CDC42BPA: variants seen among roughly 807,000 people sequenced by gnomAD.
CDC42BPA encodes the protein CDC42 binding protein kinase alpha, also known as serine/threonine-protein kinase MRCK alpha.
Under a neutral mutation model 223.5 loss-of-function variants are expected in CDC42BPA, and 80 were observed. The observed-to-expected ratio is 0.36, with a 90% CI of 0.30 to 0.43. The LOEUF is 0.43. Ranked by LOEUF, CDC42BPA falls within the 20% of genes least tolerant of loss-of-function variation. The pLI, the probability that CDC42BPA is intolerant of heterozygous loss-of-function variation, is 1.00. For synonymous variants in CDC42BPA, 694 were observed against 718.6 expected, an observed-to-expected ratio of 0.97 and a Z score of 0.55; for missense variants, 1,743 against 2,099.9, an observed-to-expected ratio of 0.83 and a Z score of 3.32.
At chr1:227,254,226 T>C (rs1572659541) in intron 1 of CDC42BPA, 71 bp from the exon 2 acceptor site, 1 of 754,664 alleles carries the variant, frequency 1.3e-6, no homozygotes, top group Non-Finnish European at 2.1e-6. Context: ...AATAATGGTG[T>C]TTCTTAGTTA....
chr1:227,275,751 C>T (rs1383654540), intron 1 of CDC42BPA, among the ~76,000 whole-genome samples: 1 of 152,100 alleles, frequency 6.6e-6, no homozygotes, highest in Non-Finnish European at 1.5e-5. Flanking sequence ...TGCAGGCACG[C>T]GCCGCCACGC....
intron 1 of CDC42BPA, among the ~76,000 whole-genome samples, chr1:227,256,938 TATATATACAGACACACACACACACAC>T (rs1327621458): frequency 8.3e-6 from 1 of 119,976 alleles, no homozygotes; most frequent in African/African-American, 3.1e-5. Context: ...AAATGTGATA[TATATATACAGACACACACACACACAC>T]ACACACACAC....
chr1:227,155,661 A>C (rs1445174873), intron 6 of CDC42BPA, among the ~76,000 whole-genome samples: 2 of 152,238 alleles, frequency 1.3e-5, no homozygotes, highest in Non-Finnish European at 2.9e-5. Flanking sequence ...TTGAGGATAA[A>C]TTGGTGACAA....
At chr1:227,138,125 G>T (rs1398992662) in intron 10 of CDC42BPA, among the ~76,000 whole-genome samples, 1 of 152,034 alleles carries the variant, frequency 6.6e-6, no homozygotes, top group Admixed American at 6.5e-5. Flanking sequence ...CCATTCTATT[G>T]ATGTCTACAC....
intron 34 of CDC42BPA, among the ~76,000 whole-genome samples, chr1:227,012,397 T>C (rs1274318403): frequency 1.3e-5 from 2 of 152,190 alleles, no homozygotes; most frequent in African/African-American, 4.8e-5. Context: ...TTAATGCTTA[T>C]ATTGTCTTGG....
intron 2 of CDC42BPA, among the ~76,000 whole-genome samples, chr1:227,225,609 A>G (rs1454764012): frequency 2.6e-5 from 4 of 152,180 alleles, no homozygotes; most frequent in Non-Finnish European, 1.5e-5. Flanking sequence ...TAGAACAATA[A>G]AAGTATTTTA....
chr1:227,163,756 T>TAA, intron 5 of CDC42BPA, among the ~76,000 whole-genome samples: 1 of 150,170 alleles, frequency 6.7e-6, no homozygotes, highest in Middle Eastern at 3.4e-3. Flanking sequence ...TATATATATA[T>TAA]AAAATACTAA....
At chr1:227,245,584 C>T (rs1680796737) in intron 2 of CDC42BPA, among the ~76,000 whole-genome samples, 1 of 152,160 alleles carries the variant, frequency 6.6e-6, no homozygotes, top group Admixed American at 6.5e-5. Context: ...AGCCACCATG[C>T]CCAGCCCCGA....
At chr1:227,068,710 C>A in intron 21 of CDC42BPA, 1 of 1,130,634 alleles carries the variant, frequency 8.8e-7, no homozygotes, top group East Asian at 8.2e-5. Context: ...TCCTATTTAA[C>A]GAATACAGCA....
intron 15 of CDC42BPA, among the ~76,000 whole-genome samples, chr1:227,099,459 T>C (rs1379329065): frequency 4.6e-5 from 7 of 152,174 alleles, no homozygotes; most frequent in African/African-American, 1.7e-4. Context: ...AAAAATCTTG[T>C]ATATAATCAT....
chr1:227,157,755 T>C (rs1016014639), intron 6 of CDC42BPA, among the ~76,000 whole-genome samples: 3 of 152,052 alleles, frequency 2.0e-5, no homozygotes, highest in Non-Finnish European at 4.4e-5. Context: ...GGCTCATCTC[T>C]ACTCATCTGT....
chr1:227,062,589 G>T (rs894827253), intron 21 of CDC42BPA, among the ~76,000 whole-genome samples: 2 of 152,124 alleles, frequency 1.3e-5, no homozygotes, highest in Admixed American at 1.3e-4. Flanking sequence ...CTTAGCATAA[G>T]ACTTCAAACT....
intron 2 of CDC42BPA, chr1:227,235,203 A>C (rs890817581): frequency 6.6e-6 from 1 of 152,212 alleles, no homozygotes; most frequent in Non-Finnish European, 1.5e-5. Flanking sequence ...GGGAGAATGA[A>C]GACTGCCACC....
chr1:227,195,812 T>C (rs772004602), intron 4 of CDC42BPA, among the ~76,000 whole-genome samples: 7 of 152,166 alleles, frequency 4.6e-5, no homozygotes, highest in Non-Finnish European at 7.3e-5. Context: ...GGTATATTTA[T>C]ACAAGTTTTT....
At chr1:227,223,857 G>A (rs1028742218) in intron 2 of CDC42BPA, among the ~76,000 whole-genome samples, 2 of 150,750 alleles carry the variant, frequency 1.3e-5, no homozygotes, top group Non-Finnish European at 3.0e-5. Context: ...CAGCTCTCAC[G>A]CAGTCATGAG....
chr1:227,117,942 C>T (rs1161916040), intron 12 of CDC42BPA, among the ~76,000 whole-genome samples: 2 of 151,282 alleles, frequency 1.3e-5, no homozygotes, highest in African/African-American at 4.9e-5. Flanking sequence ...AAAAACCCAA[C>T]AGAAAAATAT....
intron 17 of CDC42BPA, among the ~76,000 whole-genome samples, chr1:227,075,267 C>T (rs182300624): frequency 8.0e-4 from 122 of 152,260 alleles, no homozygotes; most frequent in African/African-American, 2.9e-3. Flanking sequence ...AGATAAAATC[C>T]AGGTCACTGA....
chr1:227,044,703 T>C (rs1321200249), intron 23 of CDC42BPA, among the ~76,000 whole-genome samples: 1 of 152,138 alleles, frequency 6.6e-6, no homozygotes, highest in East Asian at 1.9e-4. Flanking sequence ...TTTTACACTA[T>C]CTACTCCCTT....
intron 21 of CDC42BPA, among the ~76,000 whole-genome samples, chr1:227,063,550 T>C (rs1405783661): frequency 6.6e-6 from 1 of 152,010 alleles, no homozygotes; most frequent in Non-Finnish European, 1.5e-5. Context: ...ACGTAATATA[T>C]ACAATTATAT....
Sources: gnomAD v4.1 joint callset for allele counts (sites outside exome capture counted in the v4.1 genomes callset) on GRCh38, gnomAD v4.1.1 for gene constraint, MANE v1.5 for transcripts, NCBI Gene and HGNC (gene_info 2026-07-23, HGNC 2026-07-21) for gene names.